The following KCNMA1 variants were observed in gnomAD, a reference collection of about 807,000 sequenced individuals.
KCNMA1 encodes potassium calcium-activated channel subfamily M alpha 1.
KCNMA1 carries 29 observed loss-of-function variants against 140.0 expected under a neutral mutation model. The ratio of observed to expected loss-of-function variants is 0.21; its 90% CI spans 0.15 to 0.28. The LOEUF (loss-of-function observed/expected upper bound fraction) is 0.28, where lower values mean the gene tolerates loss of function less well. Ranked by LOEUF, KCNMA1 falls within the 10% of genes least tolerant of loss-of-function variation. The probability of loss-of-function intolerance (pLI) is 1.00; values close to 1 mark genes in which losing one functional copy is unlikely to be tolerated. For missense variants in KCNMA1, 880 were observed against 1,602.2 expected (o/e 0.55, Z 7.70); for synonymous variants, 612 against 611.9 (o/e 1.00, Z 0.00).
intron 2 of KCNMA1, among the ~76,000 whole-genome samples, chr10:77,296,922 G>A (rs2075315778): frequency 6.8e-6 from 1 of 146,556 alleles, no homozygotes; most frequent in African/African-American, 2.5e-5. Context: ...CGGGGGGGCG[G>A]TGGGGGAATG....
downstream of KCNMA1, among the ~76,000 whole-genome samples, chr10:76,881,337 T>A (rs137884721): frequency 8.3e-4 from 126 of 152,326 alleles, 3 homozygotes; most frequent in East Asian, 0.022. Context: ...ACAAACTTCC[T>A]AATAGTGTTG....
chr10:77,440,309 G>T (rs1256621451), intron 1 of KCNMA1, among the ~76,000 whole-genome samples: 1 of 152,198 alleles, frequency 6.6e-6, no homozygotes, highest in Non-Finnish European at 1.5e-5. Flanking sequence ...TACAAGGTGG[G>T]TGTGACTTTT....
intron 5 of KCNMA1, among the ~76,000 whole-genome samples, chr10:77,127,233 C>CT (rs1268000511): frequency 1.3e-5 from 2 of 151,758 alleles, no homozygotes; most frequent in Non-Finnish European, 2.9e-5. Context: ...CTTACACACA[C>CT]TAAAACTTCT....
At chr10:77,483,720 T>C (rs1202604381) in intron 1 of KCNMA1, among the ~76,000 whole-genome samples, 1 of 152,168 alleles carries the variant, frequency 6.6e-6, no homozygotes, top group Non-Finnish European at 1.5e-5. Flanking sequence ...ATTTTCCACA[T>C]TCAAGAACCT....
chr10:77,296,430 A>G (rs747124240), intron 2 of KCNMA1, among the ~76,000 whole-genome samples: 2 of 152,116 alleles, frequency 1.3e-5, no homozygotes, highest in South Asian at 2.1e-4. Flanking sequence ...AAGACAATAA[A>G]TTTATATTGT....
At chr10:77,116,774 C>T (rs567360894) in intron 6 of KCNMA1, among the ~76,000 whole-genome samples, 10 of 152,266 alleles carry the variant, frequency 6.6e-5, no homozygotes, top group African/African-American at 2.4e-4. Context: ...CTACTGCCTC[C>T]TAATTGGTCT....
intron 2 of KCNMA1, among the ~76,000 whole-genome samples, chr10:77,267,103 G>A (rs770889250): frequency 5.9e-5 from 9 of 152,192 alleles, no homozygotes; most frequent in Admixed American, 1.3e-4. Flanking sequence ...GGATGAGAAG[G>A]AGTGAAGAAG....
intron 2 of KCNMA1, among the ~76,000 whole-genome samples, chr10:77,341,580 G>A (rs537060050): frequency 1.2e-4 from 19 of 152,304 alleles, no homozygotes; most frequent in African/African-American, 4.1e-4. Flanking sequence ...TTCCTTAGAC[G>A]TGGGTCCCCC....
chr10:77,183,071 C>G (rs1406072215), intron 5 of KCNMA1, among the ~76,000 whole-genome samples: 5 of 152,180 alleles, frequency 3.3e-5, no homozygotes, highest in African/African-American at 9.7e-5. Context: ...GCCAGCCACT[C>G]GGAAAGTTGG....
rs559954123 is a variant in KCNMA1 at position 77,459,464 on chromosome 10, G to A, written c.379-55441C>T. Among the ~76,000 whole-genome samples, 4 of 152,306 alleles carry A rather than the reference G, an allele frequency of 2.6e-5. No individual in the cohort carries two copies. In the East Asian group the frequency reaches 5.8e-4, roughly 22 times the overall value. ...AAACACTGACTAATAAGCTAAAATC[G>A]GAAATCTTTATGGAGAAACCCTTGT... On this transcript the variant is annotated intron_variant, in intron 1 of 27. Coordinates refer to ENST00000286628, the MANE Select transcript of KCNMA1 (RefSeq NM_001161352.2).
intron 1 of KCNMA1, among the ~76,000 whole-genome samples, chr10:77,450,602 C>T: frequency 6.6e-6 from 1 of 152,096 alleles, no homozygotes; most frequent in East Asian, 1.9e-4. Flanking sequence ...CATAAAAAGC[C>T]TCCTTTTCAA....
In KCNMA1 at chr10:76,938,364, C is replaced by G. The variant is rs542743595; in HGVS notation, c.2902+6409G>C. On this transcript the variant is annotated intron_variant, in intron 23 of 27. Coordinates refer to ENST00000286628, the MANE Select transcript of KCNMA1 (RefSeq NM_001161352.2). ...CTCCACTCTGCCATCCTCTGACCCCCAGAAGGAAACACACATCCATGCAGA... is the reference window on the plus strand; with the variant it reads ...CTCCACTCTGCCATCCTCTGACCCCGAGAAGGAAACACACATCCATGCAGA... Among the ~76,000 whole-genome samples, 10 of 152,306 alleles carry G rather than the reference C, an allele frequency of 6.6e-5. No individual in the cohort carries two copies. The East Asian group carries it at 1.9e-3, about 29-fold the overall frequency.
chr10:77,131,888 C>G (rs1007611896), intron 5 of KCNMA1, among the ~76,000 whole-genome samples: 8 of 151,058 alleles, frequency 5.3e-5, no homozygotes, highest in African/African-American at 1.9e-4. Flanking sequence ...TCGCTTGAAC[C>G]CGGGAGGCAG....
At chr10:77,445,102 C>T (rs1247708828) in intron 1 of KCNMA1, among the ~76,000 whole-genome samples, 1 of 152,100 alleles carries the variant, frequency 6.6e-6, no homozygotes, top group Non-Finnish European at 1.5e-5. Flanking sequence ...CAAGGACCAC[C>T]CAGCAGCGTT....
intron 2 of KCNMA1, among the ~76,000 whole-genome samples, chr10:77,308,072 G>A (rs1252490151): frequency 6.6e-6 from 1 of 152,208 alleles, no homozygotes; most frequent in East Asian, 1.9e-4. Context: ...ACAAGGTGCT[G>A]TAGATGAGCA....
At chr10:77,463,499 G>A (rs2097917077) in intron 1 of KCNMA1, among the ~76,000 whole-genome samples, 1 of 152,124 alleles carries the variant, frequency 6.6e-6, no homozygotes, top group Non-Finnish European at 1.5e-5. Flanking sequence ...ACATTCTTTG[G>A]TGGCACCTCC....
intron 23 of KCNMA1, among the ~76,000 whole-genome samples, chr10:76,941,495 C>G (rs942330054): frequency 3.9e-5 from 6 of 152,108 alleles, no homozygotes; most frequent in African/African-American, 1.2e-4. Flanking sequence ...TTGATGGCTC[C>G]CACTGGACCA....
intron 19 of KCNMA1, among the ~76,000 whole-genome samples, chr10:76,993,054 A>C (rs1459448342): frequency 6.6e-6 from 1 of 152,144 alleles, no homozygotes; most frequent in East Asian, 1.9e-4. Context: ...GCTCTAACTG[A>C]AGCTACCACC....
chr10:77,301,111 G>C (rs1170963262), intron 2 of KCNMA1, among the ~76,000 whole-genome samples: 1 of 152,118 alleles, frequency 6.6e-6, no homozygotes, highest in East Asian at 1.9e-4. Context: ...GCCTCTTCCA[G>C]GAGAATCAAA....
Sources: allele counts gnomAD v4.1 joint callset (sites outside exome capture counted in the v4.1 genomes callset), GRCh38; gene constraint gnomAD v4.1.1; transcripts MANE v1.5; gene names NCBI Gene and HGNC (gene_info 2026-07-23, HGNC 2026-07-21).